CLASP2: variants seen among roughly 807,000 people sequenced by gnomAD.
CLASP2 encodes the protein cytoplasmic linker associated protein 2, also known as CLIP-associating protein 2.
A neutral mutation model predicts 194.4 loss-of-function variants in CLASP2; 47 were observed. That is an observed-to-expected ratio of 0.24 (90% CI 0.19 to 0.31). The LOEUF is 0.31. Among genes scored for constraint, CLASP2 ranks in the 10% least tolerant of loss-of-function variants. The pLI is 1.00. For missense variants in CLASP2, 1,445 were observed against 1,823.6 expected, an observed-to-expected ratio of 0.79 and a Z score of 3.78; for synonymous variants, 619 against 633.5, an observed-to-expected ratio of 0.98 and a Z score of 0.34.
At chr3:33,527,376 A>G (rs188446567) in intron 34 of CLASP2, among the ~76,000 whole-genome samples, 15 of 152,256 alleles carry the variant, frequency 9.9e-5, no homozygotes, top group East Asian at 5.8e-4. Context: ...GAGACAGATA[A>G]ATTCCTGGAC....
At chr3:33,583,447 G>A (rs1017803702) in intron 22 of CLASP2, among the ~76,000 whole-genome samples, 2 of 152,180 alleles carry the variant, frequency 1.3e-5, no homozygotes, top group Non-Finnish European at 2.9e-5. Context: ...CTGTACCTTT[G>A]GGAAGAAATG....
intron 29 of CLASP2, among the ~76,000 whole-genome samples, chr3:33,553,671 T>C (rs1282078959): frequency 6.6e-6 from 1 of 152,312 alleles, no homozygotes; most frequent in African/African-American, 2.4e-5. Context: ...CTCACACCTG[T>C]TAGAATGACT....
chr3:33,627,273 C>G (rs776675736), intron 9 of CLASP2, 193 bp from the exon 10 acceptor site: 9 of 571,416 alleles, frequency 1.6e-5, no homozygotes, highest in Non-Finnish European at 3.1e-6. Context: ...TACTTGTTAC[C>G]ATTTTTGCTA....
chr3:33,689,725 GCAA>G (rs1408440599), intron 3 of CLASP2, 101 bp downstream of exon 3: 12 of 694,682 alleles, frequency 1.7e-5, no homozygotes, highest in Non-Finnish European at 2.0e-5. Flanking sequence ...AACAGTATTA[GCAA>G]CAAATCATTG....
chr3:33,696,646 T>C (rs905033825), intron 2 of CLASP2, among the ~76,000 whole-genome samples: 5 of 151,894 alleles, frequency 3.3e-5, no homozygotes, highest in Non-Finnish European at 7.4e-5. Flanking sequence ...TTGTATTTTT[T>C]GTAGAGACAC....
At chr3:33,530,483 CAAAT>C (rs1470477195) in intron 34 of CLASP2, among the ~76,000 whole-genome samples, 1 of 152,002 alleles carries the variant, frequency 6.6e-6, no homozygotes, top group Non-Finnish European at 1.5e-5. Context: ...AATAAATAAA[CAAAT>C]AAATAAACAA....
intron 30 of CLASP2, among the ~76,000 whole-genome samples, chr3:33,550,672 A>G (rs1453355441): frequency 1.3e-5 from 2 of 152,136 alleles, no homozygotes; most frequent in Non-Finnish European, 2.9e-5. Context: ...GCAAATGAAA[A>G]AGCAAGGCAA....
At chr3:33,619,801 A>ACTG in intron 11 of CLASP2, 63 bp from the exon 12 acceptor site, 1 of 1,279,030 alleles carries the variant, frequency 7.8e-7, no homozygotes, top group Non-Finnish European at 1.0e-6. Flanking sequence ...AGAACCATAT[A>ACTG]ATTTTAAAAT....
intron 27 of CLASP2, among the ~76,000 whole-genome samples, chr3:33,563,642 A>C (rs1475249763): frequency 6.6e-6 from 1 of 152,218 alleles, no homozygotes; most frequent in Admixed American, 6.5e-5. Context: ...CCACATAAAC[A>C]AATAAGCATG....
chr3:33,506,377 C>CAAAAAAA lies in CLASP2; in HGVS notation c.4317+4180_4317+4181insTTTTTTT, dbSNP rs2048189726. On this transcript the variant is annotated intron_variant, in intron 37 of 38. Transcript: ENST00000682230. ...TGGGTGACAGAGTGAGACTCTGTCT[C>CAAAAAAA]GAAAAAAAAAAAAAAAAAAAAAAAA... Among the ~76,000 whole-genome samples, 14 of 61,876 alleles carry CAAAAAAA rather than the reference C, an allele frequency of 2.3e-4. 1 individual carries two copies. The highest frequency in any genetic ancestry group is 6.3e-4 in the African/African-American group (11 of 17,540). 40.6% of individuals were successfully genotyped at this position (61,876 alleles called of 152,430 possible).
intron 7 of CLASP2, among the ~76,000 whole-genome samples, chr3:33,657,247 C>T (rs973991328): frequency 7.9e-5 from 12 of 152,014 alleles, no homozygotes; most frequent in African/African-American, 1.2e-4. Flanking sequence ...AAGACTAATA[C>T]GCAGGAGTAT....
chr3:33,647,578 C>T (rs1489309063), intron 7 of CLASP2, among the ~76,000 whole-genome samples: 1 of 152,166 alleles, frequency 6.6e-6, no homozygotes, highest in Non-Finnish European at 1.5e-5. Context: ...TGCAACTACT[C>T]AATTATGACA....
chr3:33,693,133 T>C (rs900139090), intron 2 of CLASP2, among the ~76,000 whole-genome samples: 8 of 152,052 alleles, frequency 5.3e-5, no homozygotes, highest in African/African-American at 1.9e-4. Context: ...TTCCACAATA[T>C]ATGTGGTCAC....
chr3:33,649,385 A>G (rs963668345), intron 7 of CLASP2, among the ~76,000 whole-genome samples: 16 of 152,134 alleles, frequency 1.1e-4, no homozygotes, highest in South Asian at 2.1e-4. Context: ...ACTTTTGTCA[A>G]CTTTGCCCCT....
intron 6 of CLASP2, 37 bp downstream of exon 6, chr3:33,684,322 G>GGAA: frequency 1.0e-6 from 1 of 967,278 alleles, no homozygotes; most frequent in Non-Finnish European, 1.5e-6. Flanking sequence ...AACTAGTGGT[G>GGAA]AAAAAAAAAA....
chr3:33,573,405 A>G, intron 24 of CLASP2, 51 bp from the exon 25 acceptor site: 1 of 1,563,726 alleles, frequency 6.4e-7, no homozygotes, highest in Non-Finnish European at 8.8e-7. Flanking sequence ...ATATATTGGT[A>G]TTTCATAATT....
rs1560018345 is a variant in CLASP2, at chr3:33,557,978, AAAT to A, written c.3009+1326_3009+1328del. On this transcript the variant is annotated intron_variant, in intron 29 of 38. Coordinates refer to ENST00000682230, the MANE Select transcript of CLASP2 (RefSeq NM_001365631.1). ...GTGGTCTCCCTCATGCTGACAATGT[AAAT>A]TAACAGTTTATCTTCACAGGTAGAG... 2.8e-4 allele frequency among the ~76,000 whole-genome samples: 42 copies of A among 152,332 alleles called. No homozygotes were observed. In the South Asian group the frequency reaches 8.5e-3, roughly 31 times the overall value.
chr3:33,608,016 C>T (rs2074268070), intron 14 of CLASP2, among the ~76,000 whole-genome samples: 1 of 152,114 alleles, frequency 6.6e-6, no homozygotes, highest in Admixed American at 6.5e-5. Context: ...CAATGTCTTC[C>T]AAGCTTCAAA....
intron 7 of CLASP2, among the ~76,000 whole-genome samples, chr3:33,661,084 G>A (rs903426817): frequency 1.3e-5 from 2 of 152,122 alleles, no homozygotes; most frequent in African/African-American, 2.4e-5. Flanking sequence ...GAAACACACC[G>A]TAATTTTTCT....
Sources: allele counts gnomAD v4.1 joint callset (sites outside exome capture counted in the v4.1 genomes callset), GRCh38; gene constraint gnomAD v4.1.1; transcripts MANE v1.5; gene names NCBI Gene and HGNC (gene_info 2026-07-23, HGNC 2026-07-21).